The following STAT3 variants were observed in gnomAD, a reference collection of about 807,000 sequenced individuals.
The protein encoded by STAT3 is signal transducer and activator of transcription 3.
STAT3 carries 7 observed loss-of-function variants against 114.3 expected under a neutral mutation model. That is an observed-to-expected ratio of 0.06 (90% CI 0.03 to 0.11). STAT3 has a LOEUF of 0.11. Ranked by LOEUF, STAT3 falls within the 10% of genes least tolerant of loss-of-function variation. The probability of loss-of-function intolerance (pLI) is 1.00; values close to 1 mark genes in which losing one functional copy is unlikely to be tolerated. For missense variants in STAT3, 364 were observed against 960.9 expected (o/e 0.38, Z 8.21); for synonymous variants, 331 against 354.5 (o/e 0.93, Z 0.74).
intron 1 of STAT3, among the ~76,000 whole-genome samples, chr17:42,380,683 T>C (rs8068748): frequency 0.36 from 55,318 of 152,008 alleles, 10,331 homozygotes; most frequent in South Asian, 0.46. Context: ...GCCACCGCAC[T>C]CGGCCTGATA....
chr17:42,321,942 G>C (rs2081501881), intron 21 of STAT3, among the ~76,000 whole-genome samples: 1 of 152,140 alleles, frequency 6.6e-6, no homozygotes, highest in Non-Finnish European at 1.5e-5. Context: ...TCCCACCTCA[G>C]CCTCCCAAGT....
intron 4 of STAT3, among the ~76,000 whole-genome samples, chr17:42,341,382 G>T (rs1221688260): frequency 6.6e-6 from 1 of 152,126 alleles, no homozygotes; most frequent in East Asian, 1.9e-4. Flanking sequence ...CTTCCCACCC[G>T]CTATCCACTC....
rs397857989 is a variant in STAT3 at position 42,313,379 on chromosome 17, CAAAAAAAAAA to C, written c.*2356_*2365del. 3 of 86,334 alleles carry C rather than the reference CAAAAAAAAAA, an allele frequency of 3.5e-5. No homozygotes were observed. The highest frequency in any genetic ancestry group is 1.6e-4 in the Admixed American group (1 of 6,370). 5.3% of individuals were successfully genotyped at this position (86,334 alleles called of 1,614,324 possible). On this transcript the variant is annotated 3_prime_UTR_variant, in exon 24 of 24. Coordinates refer to ENST00000264657, the MANE Select transcript of STAT3 (RefSeq NM_139276.3). ...AGTTAAAGTAGATACAGCAATATAC[CAAAAAAAAAA>C]AAAAAAAAAAAAGACAAAAAACCTC...
chr17:42,332,842 A>C (rs2082081037), intron 10 of STAT3, among the ~76,000 whole-genome samples: 1 of 152,074 alleles, frequency 6.6e-6, no homozygotes, highest in Non-Finnish European at 1.5e-5. Flanking sequence ...CTGTCTCAAA[A>C]AAAAAAAAAT....
Position 42,342,919 on chromosome 17 carries a change from TG to T in STAT3, c.372+2639del, listed in dbSNP as rs546286088. On this transcript the variant is annotated intron_variant, in intron 4 of 23. Coordinates refer to ENST00000264657, the MANE Select transcript of STAT3 (RefSeq NM_139276.3). ...CTGTCTTTGAACATGATCTTCTTTC[TG>T]CCTGGAGAGCTCTTTCTCATCAGTT... 1.4e-3 allele frequency among the ~76,000 whole-genome samples: 206 copies of T among 151,526 alleles called. 1 individual carries two copies. The highest frequency in any genetic ancestry group is 4.6e-3 in the South Asian group (22 of 4,786).
Position 42,331,515 on chromosome 17 carries a change from G to A in STAT3, c.1066C>T (p.Pro356Ser), listed in dbSNP as rs1456534236. The A allele has an allele frequency of 2.2e-5, 35 of 1,613,754 alleles. No individual in the cohort carries two copies. Among genetic ancestry groups the A allele is most frequent in the Non-Finnish European group, 2.7e-5 (32 of 1,179,872 alleles). Residue 356 changes from proline to serine, a missense_variant, in exon 11 of 24, where the codon CCT becomes TCT. Pro to Ser is a moderately conservative substitution (Grantham distance 74). This residue lies in a region of STAT3 where 294 missense variants were observed against 745.1 expected (regional missense o/e 0.39). Coordinates refer to ENST00000264657, the MANE Select transcript of STAT3 (RefSeq NM_139276.3). Reference protein sequence around the residue: ...TTKVRLLVKFPELNYQLKIKV... With the variant: ...TTKVRLLVKFSELNYQLKIKV... ...ATTTTAAGCTGATAATTCAACTCAGGGAATTTGACCAGCAACCTATTTAAA... is the reference window on the plus strand; with the variant it reads ...ATTTTAAGCTGATAATTCAACTCAGAGAATTTGACCAGCAACCTATTTAAA...
chr17:42,324,576 G>C lies in STAT3; in HGVS notation c.1600+135C>G, dbSNP rs955435060. 8 of 1,298,690 alleles carry C rather than the reference G, an allele frequency of 6.2e-6. No homozygotes were observed. The Admixed American group carries it at 6.4e-5, about 10-fold the overall frequency. 80.4% of individuals were successfully genotyped at this position (1,298,690 alleles called of 1,614,324 possible). On this transcript the variant is annotated intron_variant, in intron 17 of 23. Transcript: ENST00000264657. The surrounding 1 kb of genome is among the most constrained non-coding windows in gnomAD (Gnocchi z 4.5). The stretch of plus-strand genomic sequence containing the variant: ...CAACTCCCCAACTCCCCTGTTTCCT[G>C]GCACCAGCACAGCGCCTTGCTCAGG...
In STAT3 at chr17:42,337,927, G is replaced by A. The variant is rs1387433566; in HGVS notation, c.551-70C>T. The A allele has an allele frequency of 2.9e-6, 3 of 1,033,886 alleles. No individual in the cohort carries two copies. The highest frequency in any genetic ancestry group is 4.3e-5 in the African/African-American group (2 of 46,020). The allele number at this position is 1,033,886 out of a possible 1,614,324, so 64.0% of individuals were successfully genotyped here. The stretch of plus-strand genomic sequence containing the variant: ...GACCTGAGGGAATACTCCTTGACCT[G>A]AGGGAATACTCCTGGACCTGAGGGA... On this transcript the variant is annotated intron_variant, in intron 6 of 23. Transcript: ENST00000264657. This position sits in a 1 kb window ranked among gnomAD's most constrained non-coding sequence, Gnocchi z 4.0.
intron 8 of STAT3, among the ~76,000 whole-genome samples, chr17:42,334,286 TA>T (rs909476046): frequency 3.3e-5 from 5 of 151,876 alleles, no homozygotes; most frequent in Admixed American, 6.6e-5. Context: ...AAAAAATAAA[TA>T]AAAAAAGAAA....
At chr17:42,341,675 G>A (rs1471082341) in intron 4 of STAT3, among the ~76,000 whole-genome samples, 2 of 152,080 alleles carry the variant, frequency 1.3e-5, no homozygotes, top group Admixed American at 1.3e-4. Flanking sequence ...TGAGGCCTGG[G>A]TTGAGGCCAC....
intron 1 of STAT3, among the ~76,000 whole-genome samples, chr17:42,384,447 G>A (rs942840241): frequency 6.6e-6 from 1 of 151,506 alleles, no homozygotes; most frequent in Admixed American, 6.6e-5. Context: ...AGTTTTAAAA[G>A]CTTCCCCTAC....
chr17:42,315,945 GCCAGATTTAC>G, intron 23 of STAT3, 145 bp from the exon 24 acceptor site: 5 of 1,543,492 alleles, frequency 3.2e-6, no homozygotes, highest in Non-Finnish European at 4.4e-6. Flanking sequence ...GGTCAGAAAA[GCCAGATTTAC>G]CCTCCTCCCT....
At chr17:42,384,729 T>TA (rs1217457694) in intron 1 of STAT3, among the ~76,000 whole-genome samples, 1 of 151,934 alleles carries the variant, frequency 6.6e-6, no homozygotes, top group Non-Finnish European at 1.5e-5. Context: ...TAATTTTTTT[T>TA]ATTTTTAGGG....
chr17:42,362,416 G>C (rs2083557965), intron 1 of STAT3, among the ~76,000 whole-genome samples: 1 of 152,164 alleles, frequency 6.6e-6, no homozygotes, highest in Admixed American at 6.5e-5. Flanking sequence ...ACATCTGTGT[G>C]CTTGCCTCCA....
intron 22 of STAT3, 75 bp from the exon 23 acceptor site, chr17:42,316,976 A>AAC (rs914027298): frequency 5.7e-5 from 89 of 1,559,842 alleles, no homozygotes; most frequent in African/African-American, 3.9e-4. Flanking sequence ...AAAAGAACAA[A>AAC]ACACACACAC....
chr17:42,354,049 G>A (rs2083101750), intron 1 of STAT3, among the ~76,000 whole-genome samples: 1 of 151,940 alleles, frequency 6.6e-6, no homozygotes, highest in South Asian at 2.1e-4. Context: ...TCCTAAAAAC[G>A]TGTAAGTTAT....
At chr17:42,322,237 A>C in intron 21 of STAT3, 45 bp downstream of exon 21, 1 of 1,610,856 alleles carries the variant, frequency 6.2e-7, no homozygotes, top group Non-Finnish European at 8.5e-7. Flanking sequence ...AAAATTTCCA[A>C]CTTTTCCCAA....
chr17:42,381,542 G>A (rs1194622766), intron 1 of STAT3, among the ~76,000 whole-genome samples: 4 of 151,896 alleles, frequency 2.6e-5, no homozygotes, highest in Non-Finnish European at 5.9e-5. Flanking sequence ...TGGCTAACAC[G>A]GTGAAACCCT....
intron 1 of STAT3, among the ~76,000 whole-genome samples, chr17:42,351,576 T>G (rs1342550038): frequency 6.6e-6 from 1 of 152,030 alleles, no homozygotes; most frequent in Non-Finnish European, 1.5e-5. Flanking sequence ...TGCTACGAAG[T>G]TTTCTAAATC....
Sources: gnomAD v4.1 joint callset for allele counts (sites outside exome capture counted in the v4.1 genomes callset) on GRCh38, gnomAD v4.1.1 for gene constraint, gnomAD v4.1.1 regional missense constraint, Gnocchi (gnomAD v3.1) non-coding constraint, MANE v1.5 for transcripts, NCBI Gene and HGNC (gene_info 2026-07-23, HGNC 2026-07-21) for gene names.